Variants in XPR1 observed in about 807,000 individuals in gnomAD.
XPR1 encodes the protein xenotropic and polytropic retrovirus receptor 1, also known as solute carrier family 53 member 1.
XPR1 carries 28 observed loss-of-function variants against 87.5 expected under a neutral mutation model. The ratio of observed to expected loss-of-function variants is 0.32; its 90% CI spans 0.24 to 0.44. The LOEUF is 0.44. XPR1 is among the 20% of genes least tolerant of loss of function. XPR1 has a pLI of 1.00. For missense variants in XPR1, 559 were observed against 862.3 expected (o/e 0.65, Z 4.41); for synonymous variants, 300 against 306.1 (o/e 0.98, Z 0.21).
intron 2 of XPR1, among the ~76,000 whole-genome samples, chr1:180,704,002 T>G (rs1002088926): frequency 7.9e-5 from 12 of 151,862 alleles, no homozygotes; most frequent in African/African-American, 2.9e-4. Context: ...AATTTTTGGT[T>G]TGTCTTTTTA....
chr1:180,818,153 A>G (rs1264640244), intron 7 of XPR1, among the ~76,000 whole-genome samples: 2 of 152,220 alleles, frequency 1.3e-5, no homozygotes, highest in Admixed American at 6.5e-5. Flanking sequence ...TTTCTTCAGA[A>G]GATCTGGAGT....
chr1:180,681,417 G>A (rs573775572), intron 1 of XPR1, among the ~76,000 whole-genome samples: 4 of 152,238 alleles, frequency 2.6e-5, no homozygotes, highest in South Asian at 2.1e-4. Flanking sequence ...AGGCCGAGGA[G>A]GGCGGATCAT....
chr1:180,676,445 C>T (rs1473133609), intron 1 of XPR1, among the ~76,000 whole-genome samples: 4 of 152,038 alleles, frequency 2.6e-5, no homozygotes, highest in African/African-American at 9.7e-5. Flanking sequence ...CCAATTTTTC[C>T]TTTCTCGTTA....
chr1:180,726,807 T>A (rs186727940), intron 2 of XPR1, among the ~76,000 whole-genome samples: 163 of 152,364 alleles, frequency 1.1e-3, no homozygotes, highest in African/African-American at 3.8e-3. Flanking sequence ...TAGAGTCATT[T>A]ATGTTAACAT....
chr1:180,669,811 C>G (rs984799262), intron 1 of XPR1, among the ~76,000 whole-genome samples: 15 of 151,932 alleles, frequency 9.9e-5, no homozygotes, highest in African/African-American at 3.4e-4. Context: ...AAATTAGACA[C>G]AGTAAGAGAT....
intron 3 of XPR1, among the ~76,000 whole-genome samples, chr1:180,796,131 T>C (rs1002244865): frequency 2.6e-5 from 4 of 152,114 alleles, no homozygotes; most frequent in African/African-American, 4.8e-5. Context: ...TGTAAGTGTA[T>C]TTGTAGATTT....
chr1:180,853,117 G>A (rs1396587617), intron 11 of XPR1, among the ~76,000 whole-genome samples: 3 of 152,028 alleles, frequency 2.0e-5, no homozygotes. Flanking sequence ...TAGGAGAGAC[G>A]GGTATTCGCC....
rs538848128 is a variant in XPR1 at position 180,841,630 on chromosome 1, CA to C, written c.1501+4915del. ...GATTGTCTTGGCCAGGGGACTTGCA[CA>C]GGGCAAGTATCGATTAGAAATGTGT... is the stretch of plus-strand genomic sequence containing the variant. On this transcript the variant is annotated intron_variant, in intron 11 of 14. Coordinates refer to ENST00000367590, the MANE Select transcript of XPR1 (RefSeq NM_004736.4). Among the ~76,000 whole-genome samples the C allele has an allele frequency of 5.2e-4, 79 of 152,234 alleles. 1 individual carries two copies. In the South Asian group the frequency reaches 0.015, roughly 29 times the overall value.
intron 13 of XPR1, among the ~76,000 whole-genome samples, chr1:180,876,491 C>G (rs1215552643): frequency 6.6e-6 from 1 of 151,996 alleles, no homozygotes; most frequent in East Asian, 1.9e-4. Flanking sequence ...GAAAAATTAG[C>G]CGGGAGTAGT....
intron 14 of XPR1, among the ~76,000 whole-genome samples, chr1:180,883,126 CTTT>C (rs10690260): frequency 1.1e-5 from 1 of 87,212 alleles, no homozygotes. Context: ...TCATACCTGG[CTTT>C]TTTTTTTTTT....
At chr1:180,850,931 C>T (rs985593328) in intron 11 of XPR1, among the ~76,000 whole-genome samples, 67 of 144,814 alleles carry the variant, frequency 4.6e-4, no homozygotes, top group Non-Finnish European at 8.3e-4. Flanking sequence ...TGTACTCCTG[C>T]GTGGGCAACA....
At chr1:180,708,295 G>GT (rs1334400616) in intron 2 of XPR1, among the ~76,000 whole-genome samples, 1 of 152,098 alleles carries the variant, frequency 6.6e-6, no homozygotes, top group African/African-American at 2.4e-5. Context: ...ATCTAAAGAA[G>GT]TATGTTCAAT....
intron 3 of XPR1, among the ~76,000 whole-genome samples, chr1:180,798,610 G>T (rs889000079): frequency 1.3e-5 from 2 of 151,852 alleles, no homozygotes; most frequent in African/African-American, 4.8e-5. Flanking sequence ...TTGCTGTAGG[G>T]TTTTTTTGTT....
intron 2 of XPR1, among the ~76,000 whole-genome samples, chr1:180,706,759 A>G (rs930186898): frequency 1.3e-5 from 2 of 151,964 alleles, no homozygotes; most frequent in Admixed American, 1.3e-4. Context: ...TTACAGGTGC[A>G]AGCCACCATG....
intron 11 of XPR1, among the ~76,000 whole-genome samples, chr1:180,855,662 C>CA (rs1181380970): frequency 0.037 from 3,025 of 80,794 alleles, 77 homozygotes; most frequent in African/African-American, 0.093. Context: ...GACTGTGTCT[C>CA]AAAAAAAAAA....
chr1:180,814,569 G>A (rs977780947), intron 7 of XPR1, among the ~76,000 whole-genome samples: 8 of 152,100 alleles, frequency 5.3e-5, no homozygotes, highest in Admixed American at 1.3e-4. Flanking sequence ...TTGCAGGGTT[G>A]TTTAGGGTTC....
At chr1:180,760,598 C>T (rs1043892408) in intron 2 of XPR1, among the ~76,000 whole-genome samples, 1 of 152,148 alleles carries the variant, frequency 6.6e-6, no homozygotes, top group African/African-American at 2.4e-5. Flanking sequence ...CAAACCACTG[C>T]TCAATCAAAT....
chr1:180,756,698 T>C (rs959167837), intron 2 of XPR1, among the ~76,000 whole-genome samples: 1 of 152,178 alleles, frequency 6.6e-6, no homozygotes, highest in East Asian at 1.9e-4. Context: ...GAGGTTTGTC[T>C]TATCTTCAGT....
intron 1 of XPR1, among the ~76,000 whole-genome samples, chr1:180,675,607 T>A (rs534476286): frequency 6.6e-6 from 1 of 152,358 alleles, no homozygotes; most frequent in African/African-American, 2.4e-5. Context: ...TTTAATCCTT[T>A]GGAAATCAAA....
Sources: allele counts gnomAD v4.1 joint callset (sites outside exome capture counted in the v4.1 genomes callset), GRCh38; gene constraint gnomAD v4.1.1; transcripts MANE v1.5; gene names NCBI Gene and HGNC (gene_info 2026-07-23, HGNC 2026-07-21).